Variants in WEE2 observed in about 807,000 individuals in gnomAD.
WEE2 encodes the protein WEE2 oocyte meiosis inhibiting kinase.
A neutral mutation model predicts 60.1 loss-of-function variants in WEE2; 50 were observed. The ratio of observed to expected loss-of-function variants is 0.83; its 90% CI spans 0.66 to 1.05. The LOEUF (loss-of-function observed/expected upper bound fraction) is 1.05, where lower values mean the gene tolerates loss of function less well. WEE2 is among the 50% of genes least tolerant of loss of function. WEE2 has a pLI of 0.00. For missense variants in WEE2, 631 were observed against 684.3 expected (o/e 0.92, Z 0.87); for synonymous variants, 240 against 241.0 (o/e 1.00, Z 0.04).
rs894479212 is a variant in WEE2 at position 141,714,808 on chromosome 7, T to C, written c.539+403T>C. 3.9e-5 allele frequency among the ~76,000 whole-genome samples: 6 copies of C among 152,310 alleles called. No homozygotes were observed. In the East Asian group the frequency reaches 1.2e-3, roughly 29 times the overall value. ...GTCTTGTGTGACTAGTGATGAAAGCTATAGAGCAAGGATTTGAACTTCTCT... is the reference window on the plus strand; with the variant it reads ...GTCTTGTGTGACTAGTGATGAAAGCCATAGAGCAAGGATTTGAACTTCTCT... On this transcript the variant is annotated intron_variant, in intron 2 of 11. Coordinates refer to ENST00000397541, the MANE Select transcript of WEE2 (RefSeq NM_001105558.1).
rs1799097831 is a variant in WEE2 at position 141,729,796 on chromosome 7, G to A, written c.1678+123G>A. On this transcript the variant is annotated intron_variant, in intron 11 of 11. Coordinates refer to ENST00000397541, the MANE Select transcript of WEE2 (RefSeq NM_001105558.1). The stretch of plus-strand genomic sequence containing the variant: ...GAGGTCAGGAGATCGAAACCATCCT[G>A]GCTAACACGGTGAAACCCCATCTCT... The A allele has an allele frequency of 8.0e-6, 9 of 1,131,666 alleles. No homozygotes were observed. The South Asian group carries it at 9.8e-5, about 12-fold the overall frequency. The allele number at this position is 1,131,666 out of a possible 1,614,324, so 70.1% of individuals were successfully genotyped here. A position where few individuals can be genotyped will look rare whatever the true frequency, so the allele number is the denominator to read the frequency against.
chr7:141,717,143 A>G (rs1798818238), intron 3 of WEE2, among the ~76,000 whole-genome samples: 1 of 152,350 alleles, frequency 6.6e-6, no homozygotes, highest in East Asian at 1.9e-4. Flanking sequence ...GAATGACCAT[A>G]ACTATCTATT....
chr7:141,728,992 A>T (rs2117127856), intron 10 of WEE2, among the ~76,000 whole-genome samples: 2 of 152,304 alleles, frequency 1.3e-5, no homozygotes, highest in South Asian at 4.1e-4. Context: ...TGGTTCCAAA[A>T]AGGTTGGGGA....
At chr7:141,725,450 C>A (rs1004582255) in intron 9 of WEE2, among the ~76,000 whole-genome samples, 3 of 151,938 alleles carry the variant, frequency 2.0e-5, no homozygotes, top group African/African-American at 7.3e-5. Flanking sequence ...ACGGTGAAAC[C>A]CCGTCTCTAC....
chr7:141,720,139 CTCTTTTTTTT>C (rs1798883224), intron 4 of WEE2, among the ~76,000 whole-genome samples: 2 of 89,296 alleles, frequency 2.2e-5, no homozygotes, highest in African/African-American at 8.7e-5. Context: ...TTTAGAATTC[CTCTTTTTTTT>C]TTTTTTTTTT....
At chr7:141,725,351 G>C (rs561782024) in intron 9 of WEE2, among the ~76,000 whole-genome samples, 155 bp downstream of exon 9, 1 of 152,184 alleles carries the variant, frequency 6.6e-6, no homozygotes, top group South Asian at 2.1e-4. Flanking sequence ...GCGGGTCCAG[G>C]CATGGTGGCT....
At chr7:141,714,568 T>C (rs1163017565) in intron 2 of WEE2, among the ~76,000 whole-genome samples, 163 bp downstream of exon 2, 1 of 152,226 alleles carries the variant, frequency 6.6e-6, no homozygotes, top group African/African-American at 2.4e-5. Flanking sequence ...TTTTACCTGC[T>C]TTATCACAGA....
At chr7:141,714,545 A>G in intron 2 of WEE2, 140 bp downstream of exon 2, 1 of 644,620 alleles carries the variant, frequency 1.6e-6, no homozygotes, top group Non-Finnish European at 2.6e-6. Flanking sequence ...CCCTTCCTAG[A>G]TATCAATGCT....
chr7:141,727,301 C>G lies in WEE2; in HGVS notation c.1393-3C>G. 1 of 1,613,100 alleles carries G rather than the reference C, an allele frequency of 6.2e-7. No homozygotes were observed. The highest frequency in any genetic ancestry group is 8.5e-7 in the Non-Finnish European group (1 of 1,179,656). Reference sequence around the variant, plus strand: ...TTCTTTCCTCTTGGTCCTATATCATCAGAACATGATCCAACCTGATGCCGA... The same window carrying G: ...TTCTTTCCTCTTGGTCCTATATCATGAGAACATGATCCAACCTGATGCCGA... On this transcript the variant is annotated splice_polypyrimidine_tract_variant and splice_region_variant and intron_variant, in intron 9 of 11. Coordinates refer to ENST00000397541, the MANE Select transcript of WEE2 (RefSeq NM_001105558.1).
Position 141,708,776 on chromosome 7 carries a change from T to G in WEE2, c.18T>G (p.Ile6Met). The G allele has an allele frequency of 6.2e-7, 1 of 1,613,690 alleles. No homozygotes were observed. The highest frequency in any genetic ancestry group is 8.5e-7 in the Non-Finnish European group (1 of 1,179,802). The change falls in exon 1 of 12, where the codon ATT becomes ATG. Residue 6 changes from isoleucine to methionine, a missense_variant. Transcript: ENST00000397541. ...TGGCTGAGATGGATGACAAAGATAT[T>G]GACAAAGAACTAAGGCAGAAATTAA... MDDKD[I>M]DKELRQKLNF...
At chr7:141,723,900 A>G in intron 6 of WEE2, 41 bp from the exon 7 acceptor site, 1 of 1,323,094 alleles carries the variant, frequency 7.6e-7, no homozygotes, top group Non-Finnish European at 1.1e-6. Flanking sequence ...GAAAAAGCTT[A>G]GAAGTCATTA....
chr7:141,725,017 G>A lies in WEE2; in HGVS notation c.1222-9G>A, dbSNP rs1563016675. ...ATAGTAACTGGCCTTCCTGTCTTCT[G>A]TTTTGAAGGATTACCGGCACCTTCC... is the stretch of plus-strand genomic sequence containing the variant. On this transcript the variant is annotated splice_polypyrimidine_tract_variant and intron_variant, in intron 8 of 11. Coordinates refer to ENST00000397541, the MANE Select transcript of WEE2 (RefSeq NM_001105558.1). The A allele has an allele frequency of 7.4e-6, 12 of 1,611,608 alleles. No individual in the cohort carries two copies. Among genetic ancestry groups the A allele is most frequent in the Non-Finnish European group, 1.0e-5 (12 of 1,178,616 alleles).
rs776656121 is a variant in WEE2 at position 141,729,657 on chromosome 7, G to A, written c.1662G>A (p.Arg554=). Residue 554 remains arginine (R), a synonymous_variant, in exon 11 of 12, where the codon AGG becomes AGA. Coordinates refer to ENST00000397541, the MANE Select transcript of WEE2 (RefSeq NM_001105558.1). ...TKRLVGGKSA[R]SSSFTSGERE... ...GCCTGGTGGGAGGAAAGAGTGCAAG[G>A]TCTTCAAGCTTTACCTGTGAGTAAT... The A allele has an allele frequency of 2.5e-6, 4 of 1,612,632 alleles. No individual in the cohort carries two copies. The highest frequency in any genetic ancestry group is 2.5e-6 in the Non-Finnish European group (3 of 1,179,630).
chr7:141,713,994 G>A (rs1798750363), intron 1 of WEE2, among the ~76,000 whole-genome samples: 1 of 152,168 alleles, frequency 6.6e-6, no homozygotes, highest in Non-Finnish European at 1.5e-5. Flanking sequence ...AGATTCCTGT[G>A]TTGACTTCAT....
rs1235146534 is a variant in WEE2 at position 141,711,296 on chromosome 7, G to A, written c.342+2196G>A. Reference sequence around the variant, plus strand: ...AAGGTCACATAGCCTGAGTGCCAGAGTAAGGAGAGAAGTGGCCCAGTTAGA... The same window carrying A: ...AAGGTCACATAGCCTGAGTGCCAGAATAAGGAGAGAAGTGGCCCAGTTAGA... On this transcript the variant is annotated intron_variant, in intron 1 of 11. Transcript: ENST00000397541. This position sits in a 1 kb window ranked among gnomAD's most constrained non-coding sequence, Gnocchi z 4.2. Among the ~76,000 whole-genome samples, 2 of 152,190 alleles carry A rather than the reference G, an allele frequency of 1.3e-5. No individual in the cohort carries two copies. Among genetic ancestry groups the A allele is most frequent in the Admixed American group, 6.5e-5 (1 of 15,272 alleles).
At chr7:141,714,524 T>TAC in intron 2 of WEE2, 119 bp downstream of exon 2, 1 of 715,714 alleles carries the variant, frequency 1.4e-6, no homozygotes, top group Non-Finnish European at 2.2e-6. Context: ...TGTATATGCT[T>TAC]ACATATTCTC....
Position 141,727,634 on chromosome 7 carries a change from A to C in WEE2, c.1535+188A>C, listed in dbSNP as rs1334410859. 3 of 636,588 alleles carry C rather than the reference A, an allele frequency of 4.7e-6. No individual in the cohort carries two copies. The Admixed American group carries it at 1.1e-4, about 22-fold the overall frequency. 39.4% of individuals were successfully genotyped at this position (636,588 alleles called of 1,614,324 possible). On this transcript the variant is annotated intron_variant, in intron 10 of 11. Coordinates refer to ENST00000397541, the MANE Select transcript of WEE2 (RefSeq NM_001105558.1). ...TAGCATCGGGCTGGGAGGCTCTGTG[A>C]TTAGGTTGCTTGAGAGAGAAAATTC...
rs1218922300 is a variant in WEE2, at chr7:141,729,620, G to A, written c.1625G>A (p.Arg542Lys). ...TGVSGTHTGS[R>K]STKRLVGGKS... Reference sequence around the variant, plus strand: ...GTCTCTGGGACCCACACAGGATCAAGAAGCACAAAACGCCTGGTGGGAGGA... The same window carrying A: ...GTCTCTGGGACCCACACAGGATCAAAAAGCACAAAACGCCTGGTGGGAGGA... The change falls in exon 11 of 12, where the codon AGA becomes AAA. Residue 542 changes from arginine to lysine, a missense_variant. By Grantham distance (26) the Arg-to-Lys change is conservative. Transcript: ENST00000397541. 1 of 1,614,032 alleles carries A rather than the reference G, an allele frequency of 6.2e-7. No individual in the cohort carries two copies. Among genetic ancestry groups the A allele is most frequent in the Non-Finnish European group, 8.5e-7 (1 of 1,180,010 alleles).
At chr7:141,721,740 A>G (rs546277659) in intron 5 of WEE2, among the ~76,000 whole-genome samples, 3 of 152,264 alleles carry the variant, frequency 2.0e-5, no homozygotes, top group African/African-American at 7.2e-5. Context: ...CTGGGATTAC[A>G]GGCGTGAGCC....
Sources: allele counts gnomAD v4.1 joint callset (sites outside exome capture counted in the v4.1 genomes callset), GRCh38; gene constraint gnomAD v4.1.1; non-coding constraint Gnocchi (gnomAD v3.1); transcripts MANE v1.5; gene names NCBI Gene and HGNC (gene_info 2026-07-23, HGNC 2026-07-21).